DCC: variants seen among roughly 807,000 people sequenced by gnomAD.
DCC encodes the protein DCC netrin 1 receptor, also known as netrin receptor DCC.
A neutral mutation model predicts 172.5 loss-of-function variants in DCC; 58 were observed. That is an observed-to-expected ratio of 0.34 (90% CI 0.27 to 0.42). The LOEUF (loss-of-function observed/expected upper bound fraction) is 0.42. DCC is among the 10% of genes least tolerant of loss of function. The probability of loss-of-function intolerance (pLI) is 1.00; values close to 1 mark genes in which losing one functional copy is unlikely to be tolerated. For missense variants in DCC, 1,740 were observed against 1,791.0 expected (o/e 0.97, Z 0.51); for synonymous variants, 709 against 644.5 (o/e 1.10, Z -1.52).
chr18:53,491,317 A>C lies in DCC; in HGVS notation c.3898+4359A>C, dbSNP rs150873490. 1.2e-3 allele frequency among the ~76,000 whole-genome samples: 182 copies of C among 152,326 alleles called. 2 individuals carry two copies. The East Asian group carries it at 0.03, about 25-fold the overall frequency. On this transcript the variant is annotated intron_variant, in intron 26 of 28. Transcript: ENST00000442544. ...AAAATAAGAGACCAAATTTCAAAAG[A>C]CTAACAAATGCATGTACATTCTATT...
In DCC at chr18:53,123,255, A is replaced by C. The variant is rs114979003; in HGVS notation, c.1262-34101A>C. On this transcript the variant is annotated intron_variant, in intron 7 of 28. Transcript: ENST00000442544. The stretch of plus-strand genomic sequence containing the variant: ...GAAATTGACATTTGAGTTGAGATCT[A>C]AATGAGGCACTGGAATTCACTGGGC... Among the ~76,000 whole-genome samples the C allele has an allele frequency of 6.6e-3, 1,006 of 152,206 alleles. 9 individuals carry two copies. Among genetic ancestry groups the C allele is most frequent in the African/African-American group, 0.023 (972 of 41,562 alleles).
rs1356148197 is a variant in DCC at position 53,403,100 on chromosome 18, A to G, written c.2935+207A>G. Among the ~76,000 whole-genome samples the G allele has an allele frequency of 3.4e-5, 5 of 145,084 alleles. No individual in the cohort carries two copies. The East Asian group carries it at 7.7e-4, about 22-fold the overall frequency. ...CACACACACACACACACACACACAC[A>G]CACACACACACACACACACGTCATT... On this transcript the variant is annotated intron_variant, in intron 19 of 28. Coordinates refer to ENST00000442544, the MANE Select transcript of DCC (RefSeq NM_005215.4).
intron 2 of DCC, among the ~76,000 whole-genome samples, chr18:52,796,883 T>A (rs1395380370): frequency 6.6e-6 from 1 of 152,198 alleles, no homozygotes; most frequent in African/African-American, 2.4e-5. Context: ...AGTTTTTAGC[T>A]ATTTTTATTA....
At position 53,424,369 on chromosome 18, in the gene DCC, T is replaced by G. The variant is rs1033447718; in HGVS notation, c.3163+8213T>G. ...CAGTACTGTGCTGGCACTAGAAACA[T>G]TAGAAGGAAATGGTCCTGGCAAAGC... On this transcript the variant is annotated intron_variant, in intron 21 of 28. Coordinates refer to ENST00000442544, the MANE Select transcript of DCC (RefSeq NM_005215.4). Among the ~76,000 whole-genome samples the G allele has an allele frequency of 3.9e-5, 6 of 152,240 alleles. 1 individual carries two copies. The South Asian group carries it at 1.2e-3, about 32-fold the overall frequency.
chr18:52,646,178 T>C (rs551063230), intron 1 of DCC, among the ~76,000 whole-genome samples: 2 of 152,202 alleles, frequency 1.3e-5, no homozygotes, highest in Non-Finnish European at 1.5e-5. Context: ...TAACCCTGCA[T>C]GCATTGTTTT....
At chr18:53,319,660 G>A (rs1295149248) in intron 13 of DCC, among the ~76,000 whole-genome samples, 2 of 152,210 alleles carry the variant, frequency 1.3e-5, no homozygotes, top group African/African-American at 4.8e-5. Context: ...TGGTTATGAT[G>A]GCTGGCCAGG....
intron 5 of DCC, among the ~76,000 whole-genome samples, chr18:53,054,667 G>A (rs966660233): frequency 2.0e-5 from 3 of 152,104 alleles, no homozygotes; most frequent in Non-Finnish European, 4.4e-5. Context: ...TGGAACTAAG[G>A]AAGGGCAATG....
At chr18:52,424,234 A>C (rs1987348386) in intron 1 of DCC, among the ~76,000 whole-genome samples, 3 of 152,156 alleles carry the variant, frequency 2.0e-5, no homozygotes, top group African/African-American at 7.2e-5. Context: ...GTAGTATGCT[A>C]AGTATTGTAC....
intron 12 of DCC, among the ~76,000 whole-genome samples, chr18:53,296,140 A>G (rs2057064747): frequency 6.9e-6 from 1 of 145,866 alleles, no homozygotes; most frequent in Admixed American, 6.7e-5. Context: ...CAGTGCACAA[A>G]TAAGTAGGTC....
intron 8 of DCC, among the ~76,000 whole-genome samples, chr18:53,170,317 A>T (rs989740500): frequency 6.6e-6 from 1 of 152,192 alleles, no homozygotes; most frequent in African/African-American, 2.4e-5. Flanking sequence ...GCCCTTTAAA[A>T]ATGAATATTT....
chr18:53,109,181 G>A (rs116962918), intron 7 of DCC, among the ~76,000 whole-genome samples: 1,562 of 151,284 alleles, frequency 0.01, 9 homozygotes, highest in Non-Finnish European at 0.016. Flanking sequence ...TTTGTTGACC[G>A]TTTGGGTGTC....
At chr18:52,649,081 A>AAC (rs2035072041) in intron 1 of DCC, among the ~76,000 whole-genome samples, 1 of 152,180 alleles carries the variant, frequency 6.6e-6, no homozygotes, top group Admixed American at 6.5e-5. Context: ...GTAACTAAAG[A>AAC]TTAACTTTAT....
intron 1 of DCC, among the ~76,000 whole-genome samples, chr18:52,643,943 A>C (rs1416074427): frequency 1.7e-5 from 2 of 118,376 alleles, no homozygotes; most frequent in Admixed American, 2.0e-4. Flanking sequence ...ATTAATAGTC[A>C]AGAACAGTAT....
intron 1 of DCC, among the ~76,000 whole-genome samples, chr18:52,514,501 G>A (rs1332376753): frequency 6.6e-6 from 1 of 152,162 alleles, no homozygotes; most frequent in Non-Finnish European, 1.5e-5. Context: ...TATCCCCTAT[G>A]GGGAATAAAA....
intron 1 of DCC, among the ~76,000 whole-genome samples, chr18:52,463,464 T>G (rs1392816992): frequency 1.3e-5 from 2 of 152,192 alleles, no homozygotes; most frequent in East Asian, 3.9e-4. Flanking sequence ...AAGCACATAC[T>G]AAGAGTTAGA....
intron 7 of DCC, among the ~76,000 whole-genome samples, chr18:53,138,973 C>T (rs115311846): frequency 7.2e-4 from 110 of 152,294 alleles, no homozygotes; most frequent in African/African-American, 2.2e-3. Context: ...TGTGTTTGTA[C>T]GTACTATATA....
At chr18:53,009,414 G>T (rs1457967003) in intron 5 of DCC, among the ~76,000 whole-genome samples, 1 of 151,912 alleles carries the variant, frequency 6.6e-6, no homozygotes, top group Non-Finnish European at 1.5e-5. Context: ...CTCTACATAT[G>T]ATGGTGTCAA....
intron 1 of DCC, among the ~76,000 whole-genome samples, chr18:52,719,084 A>G (rs1331977299): frequency 2.0e-5 from 3 of 151,414 alleles, no homozygotes; most frequent in Non-Finnish European, 4.4e-5. Flanking sequence ...TAGCTGCATC[A>G]CTCCAACCTC....
chr18:52,909,696 T>C (rs1220994168), intron 3 of DCC, among the ~76,000 whole-genome samples: 4 of 152,194 alleles, frequency 2.6e-5, no homozygotes, highest in Non-Finnish European at 5.9e-5. Context: ...AGTTTCACTT[T>C]ATTCATTACG....
Sources: gnomAD v4.1 joint callset for allele counts (sites outside exome capture counted in the v4.1 genomes callset) on GRCh38, gnomAD v4.1.1 for gene constraint, MANE v1.5 for transcripts, NCBI Gene and HGNC (gene_info 2026-07-23, HGNC 2026-07-21) for gene names.